The following CDK14 variants were observed in gnomAD, a reference collection of about 807,000 sequenced individuals.
CDK14 encodes the protein cyclin dependent kinase 14.
A neutral mutation model predicts 60.7 loss-of-function variants in CDK14; 34 were observed. The observed-to-expected ratio is 0.56, with a 90% CI of 0.43 to 0.75. The LOEUF (loss-of-function observed/expected upper bound fraction) is 0.75. Ranked by LOEUF, CDK14 falls within the 30% of genes least tolerant of loss-of-function variation. The pLI is 0.00. For synonymous variants in CDK14, 197 were observed against 203.7 expected (o/e 0.97, Z 0.28); for missense variants, 482 against 564.1 (o/e 0.85, Z 1.47).
At chr7:90,837,700 T>A (rs1460601355) in intron 5 of CDK14, among the ~76,000 whole-genome samples, 1 of 152,128 alleles carries the variant, frequency 6.6e-6, no homozygotes, top group East Asian at 1.9e-4. Flanking sequence ...CCTGTTCTTC[T>A]TTGCTTTTTT....
chr7:91,034,811 A>C (rs1039602919), intron 10 of CDK14, among the ~76,000 whole-genome samples: 27 of 152,192 alleles, frequency 1.8e-4, no homozygotes, highest in African/African-American at 6.0e-4. Flanking sequence ...TACTGCCAAA[A>C]ATGAACATTC....
chr7:90,939,178 G>C (rs916493923), intron 8 of CDK14, among the ~76,000 whole-genome samples: 14 of 152,218 alleles, frequency 9.2e-5, no homozygotes, highest in African/African-American at 3.4e-4. Flanking sequence ...TTCAGCCGTA[G>C]TGTAAGATTT....
intron 14 of CDK14, among the ~76,000 whole-genome samples, chr7:91,133,299 C>T (rs1284089136): frequency 1.3e-5 from 2 of 152,020 alleles, no homozygotes; most frequent in African/African-American, 4.8e-5. Flanking sequence ...AACTCAAATA[C>T]ACTGTGAAGT....
intron 2 of CDK14, among the ~76,000 whole-genome samples, chr7:90,643,887 A>C (rs1462599708): frequency 6.6e-6 from 1 of 152,202 alleles, no homozygotes; most frequent in Admixed American, 6.5e-5. Context: ...GAGTGAAACG[A>C]TATAAATCAG....
chr7:91,034,945 T>TACACATAC (rs1554408693), intron 10 of CDK14, among the ~76,000 whole-genome samples: 1 of 145,982 alleles, frequency 6.9e-6, no homozygotes, highest in Admixed American at 6.8e-5. Context: ...CACATACACA[T>TACACATAC]ACACACACAC....
Position 91,053,437 on chromosome 7 carries a change from G to A in CDK14, c.1105+7477G>A, listed in dbSNP as rs142652610. 2.9e-3 allele frequency among the ~76,000 whole-genome samples: 444 copies of A among 152,184 alleles called. 2 individuals are homozygous for A. Among genetic ancestry groups the A allele is most frequent in the Non-Finnish European group, 5.1e-3 (350 of 68,004 alleles). On this transcript the variant is annotated intron_variant, in intron 11 of 14. Transcript: ENST00000380050. ...TCCCTGCCCACAGACCTAGACCTAC[G>A]AAGGAGAATTGTCAGGCTCTTCCCA...
chr7:90,620,475 TG>T, intron 2 of CDK14, among the ~76,000 whole-genome samples: 1 of 152,212 alleles, frequency 6.6e-6, no homozygotes. Context: ...GCAAGAGCGC[TG>T]GAATCTCCTT....
intron 4 of CDK14, among the ~76,000 whole-genome samples, chr7:90,768,796 A>G (rs1180935510): frequency 1.3e-5 from 2 of 152,230 alleles, no homozygotes; most frequent in Admixed American, 1.3e-4. Flanking sequence ...AACGAAGACA[A>G]TAAATGATAT....
intron 6 of CDK14, among the ~76,000 whole-genome samples, chr7:90,896,384 C>A (rs1175058833): frequency 6.6e-6 from 1 of 152,028 alleles, no homozygotes; most frequent in East Asian, 1.9e-4. Context: ...TGCCATTGAA[C>A]TTAAAACACC....
chr7:90,949,515 T>G (rs1794193994), intron 8 of CDK14, among the ~76,000 whole-genome samples: 1 of 152,134 alleles, frequency 6.6e-6, no homozygotes, highest in Non-Finnish European at 1.5e-5. Flanking sequence ...TGAAATATAT[T>G]TTTTAAAAAA....
chr7:90,608,064 A>G (rs1220048614), intron 2 of CDK14, among the ~76,000 whole-genome samples: 1 of 152,176 alleles, frequency 6.6e-6, no homozygotes, highest in East Asian at 1.9e-4. Flanking sequence ...TTTTTAGTGG[A>G]CATAATGTTT....
chr7:91,083,024 G>A (rs1798525179), intron 12 of CDK14, among the ~76,000 whole-genome samples: 3 of 152,124 alleles, frequency 2.0e-5, no homozygotes, highest in African/African-American at 4.8e-5. Flanking sequence ...AAAAATGTGA[G>A]AGGAAGGTAA....
intron 13 of CDK14, among the ~76,000 whole-genome samples, chr7:91,114,955 G>C (rs803162): frequency 0.98 from 149,682 of 152,300 alleles, 73,556 homozygotes; most frequent in East Asian, 1. Context: ...ATTCTGCAGA[G>C]TATATTTAGA....
At chr7:91,006,470 A>G (rs1370233831) in intron 10 of CDK14, among the ~76,000 whole-genome samples, 2 of 152,220 alleles carry the variant, frequency 1.3e-5, no homozygotes, top group Non-Finnish European at 2.9e-5. Flanking sequence ...CACACGTGCT[A>G]CTAAATTCAT....
intron 14 of CDK14, among the ~76,000 whole-genome samples, chr7:91,181,079 C>A (rs547796132): frequency 6.6e-6 from 1 of 152,322 alleles, no homozygotes; most frequent in Non-Finnish European, 1.5e-5. Flanking sequence ...GTCACACTCT[C>A]CTGGCCAAAA....
chr7:90,731,776 T>C (rs1282672748), intron 3 of CDK14, among the ~76,000 whole-genome samples: 1 of 152,228 alleles, frequency 6.6e-6, no homozygotes, highest in Non-Finnish European at 1.5e-5. Context: ...TACAATCATG[T>C]CTCTGCAAAC....
chr7:90,929,800 G>T (rs1793532949), intron 8 of CDK14, among the ~76,000 whole-genome samples: 1 of 152,126 alleles, frequency 6.6e-6, no homozygotes, highest in African/African-American at 2.4e-5. Context: ...AAATTTTGTG[G>T]ATCACAAGAA....
chr7:90,736,786 A>G (rs1192920473), intron 3 of CDK14, among the ~76,000 whole-genome samples: 1 of 152,104 alleles, frequency 6.6e-6, no homozygotes, highest in Admixed American at 6.6e-5. Context: ...TGTGGTAGAA[A>G]CTATTTTAAA....
chr7:90,720,059 C>T (rs1207834485), intron 2 of CDK14, among the ~76,000 whole-genome samples: 1 of 152,104 alleles, frequency 6.6e-6, no homozygotes, highest in Non-Finnish European at 1.5e-5. Flanking sequence ...TTACTGGACT[C>T]TTCAAGAGGA....
Sources: allele counts gnomAD v4.1 joint callset (sites outside exome capture counted in the v4.1 genomes callset), GRCh38; gene constraint gnomAD v4.1.1; transcripts MANE v1.5; gene names NCBI Gene and HGNC (gene_info 2026-07-23, HGNC 2026-07-21).